BCR: variants seen among roughly 807,000 people sequenced by gnomAD.
BCR encodes the protein BCR activator of RhoGEF and GTPase, also known as breakpoint cluster region protein.
BCR carries 58 observed loss-of-function variants against 138.6 expected under a neutral mutation model. That is an observed-to-expected ratio of 0.42 (90% confidence interval 0.34 to 0.52). BCR has a LOEUF of 0.52. Ranked by LOEUF, BCR falls within the 20% of genes least tolerant of loss-of-function variation. The probability of loss-of-function intolerance (pLI) is 0.06; values close to 1 mark genes in which losing one functional copy is unlikely to be tolerated. For synonymous variants in BCR, 786 were observed against 730.1 expected (o/e 1.08, Z -1.23); for missense variants, 1,599 against 1,727.2 (o/e 0.93, Z 1.32).
intron 20 of BCR, among the ~76,000 whole-genome samples, 189 bp from the exon 21 acceptor site, chr22:23,313,779 G>A (rs2074034300): frequency 2.0e-5 from 3 of 152,132 alleles, no homozygotes; most frequent in South Asian, 4.1e-4. Context: ...GAGAAAAGGC[G>A]TTCAGGTGGT....
At position 23,181,008 on chromosome 22, in the gene BCR, G is replaced by T; in HGVS notation, c.48G>T (p.Pro16=). Residue 16 remains proline, a synonymous_variant, in exon 1 of 23, where the codon CCG becomes CCT. Transcript: ENST00000305877. ...GFAEAWKAQF[P]DSEPPRMELR... ...CGGAGGCGTGGAAGGCGCAGTTCCC[G>T]GACTCAGAGCCCCCGCGCATGGAGC... 6.7e-7 allele frequency: 1 copy of T among 1,481,782 alleles called. No homozygotes were observed. The highest frequency in any genetic ancestry group is 1.3e-5 in the South Asian group (1 of 75,962). The allele number at this position is 1,481,782 out of a possible 1,614,324, so 91.8% of individuals were successfully genotyped here.
intron 22 of BCR, 105 bp downstream of exon 22, chr22:23,314,819 G>A: frequency 7.0e-7 from 1 of 1,425,210 alleles, no homozygotes; most frequent in South Asian, 1.2e-5. Context: ...ATTGTATGTG[G>A]TGTGGCCAAC....
rs535205511 is a variant in BCR at position 23,207,074 on chromosome 22, C to T, written c.1279+24835C>T. Reference sequence around the variant, plus strand: ...TCATCCATCCAAACATGCATCCATTCAGTCATCACCTATTCATCCATCCAT... The same window carrying T: ...TCATCCATCCAAACATGCATCCATTTAGTCATCACCTATTCATCCATCCAT... On this transcript the variant is annotated intron_variant, in intron 1 of 22. Coordinates refer to ENST00000305877, the MANE Select transcript of BCR (RefSeq NM_004327.4). 3.3e-5 allele frequency among the ~76,000 whole-genome samples: 5 copies of T among 152,064 alleles called. No individual in the cohort carries two copies. The South Asian group carries it at 1.0e-3, about 32-fold the overall frequency.
intron 17 of BCR, chr22:23,309,997 G>C (rs2330377): frequency 2.9e-5 from 12 of 408,922 alleles, no homozygotes; most frequent in South Asian, 8.8e-5. Flanking sequence ...GGAGTCTGAG[G>C]CAGGAGAATC....
chr22:23,255,071 G>A (rs78793357), intron 2 of BCR, among the ~76,000 whole-genome samples: 1,824 of 152,282 alleles, frequency 0.012, 24 homozygotes, highest in Non-Finnish European at 0.021. Flanking sequence ...GCAAGAGAGA[G>A]ATGGACTTTT....
intron 8 of BCR, among the ~76,000 whole-genome samples, chr22:23,281,218 C>T (rs1313062097): frequency 3.9e-5 from 6 of 152,230 alleles, no homozygotes; most frequent in African/African-American, 1.2e-4. Context: ...GTCCCTGTCC[C>T]GGGGCCACTG....
rs747460956 is a variant in BCR, at chr22:23,290,352, G to A, written c.2721G>A (p.Pro907=). The A allele has an allele frequency of 2.7e-5, 43 of 1,613,982 alleles. No individual in the cohort carries two copies. The highest frequency in any genetic ancestry group is 3.3e-5 in the Non-Finnish European group (39 of 1,179,970). The stretch of plus-strand genomic sequence containing the variant: ...TCTCTTGCGCAGATGATGAGTCTCC[G>A]GGGCTCTATGGGTTTCTGAATGTCA... ...LTINKEDDES[P]GLYGFLNVIV... is the part of the protein sequence containing the mutation. Residue 907 remains proline, a synonymous_variant, in exon 14 of 23, where the codon CCG becomes CCA. Coordinates refer to ENST00000305877, the MANE Select transcript of BCR (RefSeq NM_004327.4).
intron 8 of BCR, among the ~76,000 whole-genome samples, chr22:23,279,440 G>C (rs559089138): frequency 6.6e-6 from 1 of 152,222 alleles, no homozygotes; most frequent in Non-Finnish European, 1.5e-5. Context: ...CAAACCTCTG[G>C]AGTCTGCCAC....
At chr22:23,229,592 C>T (rs1568944016) in intron 1 of BCR, among the ~76,000 whole-genome samples, 3 of 152,122 alleles carry the variant, frequency 2.0e-5, no homozygotes, top group Non-Finnish European at 2.9e-5. Flanking sequence ...TGCTGTTGAC[C>T]ACTGAGGGAT....
intron 1 of BCR, among the ~76,000 whole-genome samples, chr22:23,235,140 T>C (rs1408994419): frequency 6.9e-6 from 1 of 144,236 alleles, no homozygotes; most frequent in Non-Finnish European, 1.6e-5. Context: ...TCTCTCGCTC[T>C]GTCACCCAGG....
intron 1 of BCR, among the ~76,000 whole-genome samples, chr22:23,210,192 G>T (rs1335205071): frequency 1.3e-5 from 2 of 152,058 alleles, no homozygotes; most frequent in Non-Finnish European, 2.9e-5. Flanking sequence ...GAGGCAGGAG[G>T]ATTGCTTGAG....
intron 4 of BCR, chr22:23,263,822 G>A (rs779341848): frequency 2.5e-6 from 3 of 1,194,234 alleles, no homozygotes; most frequent in Admixed American, 1.7e-5. Context: ...CAGGCCAGCT[G>A]GGGTAGTGTT....
chr22:23,308,266 T>TC (rs779406699), intron 16 of BCR, among the ~76,000 whole-genome samples: 9 of 152,146 alleles, frequency 5.9e-5, no homozygotes, highest in Non-Finnish European at 2.9e-5. Context: ...AGATTATGAG[T>TC]CAGTTCTCTG....
chr22:23,277,095 C>T (rs2073587009), intron 8 of BCR, among the ~76,000 whole-genome samples: 2 of 152,246 alleles, frequency 1.3e-5, no homozygotes, highest in Admixed American at 1.3e-4. Flanking sequence ...CAGGCTACTT[C>T]CTCTTAGAAT....
chr22:23,290,400 T>G lies in BCR; in HGVS notation c.2769T>G (p.Phe923Leu). Residue 923 changes from phenylalanine (F) to leucine (L), a missense_variant, in exon 14 of 23, where the codon TTT (phenylalanine) becomes TTG (leucine). By Grantham distance (22) the Phe-to-Leu change is conservative (BLOSUM62 0). Around this residue, in one of 4 missense-constraint regions of BCR, gnomAD observed 590 missense variants for 762.4 expected, o/e 0.77. Transcript: ENST00000305877. ...LNVIVHSATGFKQSSNLYCTL... is the reference protein window; with the variant it reads ...LNVIVHSATGLKQSSNLYCTL... ...TCATCGTCCACTCAGCCACTGGATTTAAGCAGAGTTCAAGTAAGTACTGGT... is the reference window on the plus strand; with the variant it reads ...TCATCGTCCACTCAGCCACTGGATTGAAGCAGAGTTCAAGTAAGTACTGGT... 1 of 1,614,122 alleles carries G rather than the reference T, an allele frequency of 6.2e-7. No individual in the cohort carries two copies. Among genetic ancestry groups the G allele is most frequent in the Non-Finnish European group, 8.5e-7 (1 of 1,179,948 alleles).
chr22:23,226,044 C>G (rs922476766), intron 1 of BCR, among the ~76,000 whole-genome samples: 28 of 152,352 alleles, frequency 1.8e-4, no homozygotes, highest in Non-Finnish European at 2.1e-4. Context: ...TCTTTGGGAC[C>G]TGCCGGAGCC....
chr22:23,290,160 T>C (rs1172023803), intron 13 of BCR, 179 bp from the exon 14 acceptor site: 4 of 684,748 alleles, frequency 5.8e-6, no homozygotes, highest in Non-Finnish European at 1.0e-5. Context: ...GATCCTGAGA[T>C]CCCCAAGACA....
At chr22:23,290,619 C>T (rs938850298) in intron 14 of BCR, 11 of 565,552 alleles carry the variant, frequency 1.9e-5, no homozygotes, top group Non-Finnish European at 2.9e-5. Context: ...CTGCCCTCTC[C>T]CCTAGCCTGT....
At chr22:23,209,266 A>C (rs7290429) in intron 1 of BCR, among the ~76,000 whole-genome samples, 1 of 151,904 alleles carries the variant, frequency 6.6e-6, no homozygotes. Flanking sequence ...AGGCTGAGGC[A>C]GGAGAATCGC....
Sources: allele counts gnomAD v4.1 joint callset (sites outside exome capture counted in the v4.1 genomes callset), GRCh38; gene constraint gnomAD v4.1.1; regional missense constraint gnomAD v4.1.1; transcripts MANE v1.5; gene names NCBI Gene and HGNC (gene_info 2026-07-23, HGNC 2026-07-21).